The following PPP2R2B variants were observed in gnomAD, a reference collection of about 807,000 sequenced individuals.
PPP2R2B encodes the protein serine/threonine-protein phosphatase 2A 55 kDa regulatory subunit B beta isoform.
PPP2R2B carries 5 observed loss-of-function variants against 46.0 expected under a neutral mutation model. The observed-to-expected ratio is 0.11, with a 90% CI of 0.06 to 0.23. PPP2R2B has a LOEUF of 0.23. Among genes scored for constraint, PPP2R2B ranks in the 10% least tolerant of loss-of-function variants. The pLI is 1.00. For missense variants in PPP2R2B, 367 were observed against 575.0 expected (o/e 0.64, Z 3.70); for synonymous variants, 215 against 206.7 (o/e 1.04, Z -0.34).
At chr5:146,593,128 T>C in intron 8 of PPP2R2B, 66 bp from the exon 9 acceptor site, 1 of 1,275,568 alleles carries the variant, frequency 7.8e-7, no homozygotes, top group Non-Finnish European at 1.1e-6. Context: ...TGCAAACACC[T>C]CCTCTTCTGA....
At chr5:146,811,037 G>A (rs1014717799) in intron 2 of PPP2R2B, among the ~76,000 whole-genome samples, 2 of 152,074 alleles carry the variant, frequency 1.3e-5, no homozygotes, top group Non-Finnish European at 2.9e-5. Context: ...GTCTTGCCCT[G>A]TCGCCACCCA....
intron 2 of PPP2R2B, among the ~76,000 whole-genome samples, chr5:146,733,223 G>C (rs1414104020): frequency 1.3e-5 from 2 of 152,100 alleles, no homozygotes; most frequent in African/African-American, 4.8e-5. Flanking sequence ...AGTTATGTGG[G>C]AACATGGGAT....
chr5:146,969,739 A>G (rs963883852), intron 1 of PPP2R2B, among the ~76,000 whole-genome samples: 22 of 152,238 alleles, frequency 1.4e-4, no homozygotes, highest in African/African-American at 5.3e-4. Flanking sequence ...AGGAGTGCTG[A>G]GGGAAACAAA....
At chr5:146,641,751 A>G (rs1174199637) in intron 6 of PPP2R2B, among the ~76,000 whole-genome samples, 1 of 152,090 alleles carries the variant, frequency 6.6e-6, no homozygotes, top group African/African-American at 2.4e-5. Context: ...AGCATATGTA[A>G]TTTTGCCCTT....
Position 146,885,542 on chromosome 5 carries a change from G to A in PPP2R2B, c.79+170123C>T, listed in dbSNP as rs565268589. Among the ~76,000 whole-genome samples, 18 of 152,322 alleles carry A rather than the reference G, an allele frequency of 1.2e-4. 1 individual carries two copies. In the South Asian group the frequency reaches 3.7e-3, roughly 32 times the overall value. On this transcript the variant is annotated intron_variant, in intron 1 of 8. Transcript: ENST00000336640. ...ATTGCTTCTGGGATTGTATAACAATGCAGCCACAAATAGTTTGCCAGTTCT... is the reference window on the plus strand; with the variant it reads ...ATTGCTTCTGGGATTGTATAACAATACAGCCACAAATAGTTTGCCAGTTCT...
At chr5:146,854,217 G>C (rs1326731511) in intron 2 of PPP2R2B, among the ~76,000 whole-genome samples, 1 of 152,068 alleles carries the variant, frequency 6.6e-6, no homozygotes, top group Admixed American at 6.6e-5. Context: ...AAATCAGAGA[G>C]AGCCCTACAA....
chr5:146,954,858 A>G lies in PPP2R2B; in HGVS notation c.79+100807T>C, dbSNP rs1324005367. On this transcript the variant is annotated intron_variant, in intron 1 of 8. Transcript: ENST00000336640. Reference sequence around the variant, plus strand: ...TTACTTAGCTCTTACCCCAAAAGACATATTTTCTAATCAGTAAAATAAACC... The same window carrying G: ...TTACTTAGCTCTTACCCCAAAAGACGTATTTTCTAATCAGTAAAATAAACC... Among the ~76,000 whole-genome samples, 3 of 151,980 alleles carry G rather than the reference A, an allele frequency of 2.0e-5. No homozygotes were observed. The East Asian group carries it at 5.8e-4, about 29-fold the overall frequency.
At chr5:146,958,319 CA>C (rs1180274073) in intron 1 of PPP2R2B, among the ~76,000 whole-genome samples, 1 of 152,248 alleles carries the variant, frequency 6.6e-6, no homozygotes, top group East Asian at 1.9e-4. Context: ...CCAAAGCCTT[CA>C]ATCCCAGAGA....
Position 146,697,218 on chromosome 5 carries a change from G to T in PPP2R2B, c.334+761C>A, listed in dbSNP as rs183670202. ...TTTTTAAATACGAATCCTCTTAATTGTTATGCTATTCAATTAGCACCCTTT... is the reference window on the plus strand; with the variant it reads ...TTTTTAAATACGAATCCTCTTAATTTTTATGCTATTCAATTAGCACCCTTT... On this transcript the variant is annotated intron_variant, in intron 4 of 9. Coordinates refer to ENST00000394411, the MANE Select transcript of PPP2R2B (RefSeq NM_181675.4). 5.1e-4 allele frequency among the ~76,000 whole-genome samples: 78 copies of T among 152,184 alleles called. 1 individual carries two copies. The highest frequency in any genetic ancestry group is 1.8e-3 in the African/African-American group (73 of 41,500).
At chr5:146,748,951 G>A (rs1239958181) in intron 2 of PPP2R2B, among the ~76,000 whole-genome samples, 2 of 152,138 alleles carry the variant, frequency 1.3e-5, no homozygotes, top group Non-Finnish European at 2.9e-5. Context: ...ATAGTTTCAT[G>A]TTTAGGTTTT....
At chr5:146,765,470 G>A (rs1330022816) in intron 2 of PPP2R2B, among the ~76,000 whole-genome samples, 2 of 152,192 alleles carry the variant, frequency 1.3e-5, no homozygotes, top group African/African-American at 2.4e-5. Context: ...CCCAGAACAT[G>A]GAAGGAGCAA....
chr5:146,902,554 G>A (rs1276271232), intron 1 of PPP2R2B, among the ~76,000 whole-genome samples: 4 of 152,134 alleles, frequency 2.6e-5, no homozygotes, highest in Admixed American at 2.0e-4. Context: ...CCTGAGGTCT[G>A]GCTCTAGATA....
chr5:146,661,352 G>A (rs1393015699), intron 5 of PPP2R2B, among the ~76,000 whole-genome samples: 2 of 152,102 alleles, frequency 1.3e-5, no homozygotes, highest in Admixed American at 1.3e-4. Context: ...GTGCATAGAA[G>A]AAACCAAGTA....
chr5:146,756,991 G>A (rs1164571675), intron 2 of PPP2R2B, among the ~76,000 whole-genome samples: 1 of 152,192 alleles, frequency 6.6e-6, no homozygotes, highest in African/African-American at 2.4e-5. Context: ...ATGGAGAGTG[G>A]AGCTAGAGAA....
chr5:146,590,355 C>T, intron 9 of PPP2R2B, 129 bp from the exon 10 acceptor site: 1 of 808,656 alleles, frequency 1.2e-6, no homozygotes, highest in Non-Finnish European at 1.8e-6. Context: ...AAAATGAGAA[C>T]AGGCTCTGCA....
At chr5:146,687,243 TCC>T (rs1330206738) in intron 5 of PPP2R2B, among the ~76,000 whole-genome samples, 2 of 152,190 alleles carry the variant, frequency 1.3e-5, no homozygotes, top group African/African-American at 4.8e-5. Flanking sequence ...TTAGTCCCAG[TCC>T]TGGAATAACC....
At chr5:146,874,082 C>T (rs1235694593) in intron 2 of PPP2R2B, among the ~76,000 whole-genome samples, 1 of 152,240 alleles carries the variant, frequency 6.6e-6, no homozygotes, top group Non-Finnish European at 1.5e-5. Flanking sequence ...TGTCCTTGAA[C>T]TCCCGATCTA....
intron 2 of PPP2R2B, chr5:146,706,897 C>T (rs755937433): frequency 3.8e-5 from 48 of 1,275,186 alleles, no homozygotes; most frequent in Non-Finnish European, 4.9e-5. Flanking sequence ...CAGACGTGTC[C>T]GAGATCTGGG....
In PPP2R2B at chr5:146,590,119, A is replaced by G; in HGVS notation, c.1160T>C (p.Ile387Thr). ...CACACACACTTTTCGGGGTTTGAGG[A>G]TAGCCCGGGGCTTGCTGTTTTCCCT... is the stretch of plus-strand genomic sequence containing the variant. ...ASRENSKPRA[I>T]LKPRKVCVGG... Residue 387 changes from isoleucine (I) to threonine (T), a missense_variant, in exon 10 of 10, where the codon ATC (isoleucine) becomes ACC (threonine). By Grantham distance (89) the Ile-to-Thr change is moderately conservative. Around this residue, in one of 2 missense-constraint regions of PPP2R2B, gnomAD observed 361 missense variants for 545.5 expected, o/e 0.66. Coordinates refer to ENST00000394411, the MANE Select transcript of PPP2R2B (RefSeq NM_181675.4). 1 of 1,614,098 alleles carries G rather than the reference A, an allele frequency of 6.2e-7. No individual in the cohort carries two copies. Among genetic ancestry groups the G allele is most frequent in the Non-Finnish European group, 8.5e-7 (1 of 1,180,038 alleles).
Sources: allele counts gnomAD v4.1 joint callset (sites outside exome capture counted in the v4.1 genomes callset), GRCh38; gene constraint gnomAD v4.1.1; regional missense constraint gnomAD v4.1.1; transcripts MANE v1.5; gene names NCBI Gene and HGNC (gene_info 2026-07-23, HGNC 2026-07-21).